The following PROZ variants were observed in gnomAD, a reference collection of about 807,000 sequenced individuals.
PROZ encodes the protein protein Z, vitamin K dependent plasma glycoprotein, also known as vitamin K-dependent protein Z.
PROZ carries 46 observed loss-of-function variants against 34.9 expected under a neutral mutation model. The observed-to-expected ratio is 1.32, with a 90% confidence interval of 1.04 to 1.69. The LOEUF is 1.69. Among genes scored for constraint, PROZ ranks in the 40% most tolerant of loss-of-function variants. The pLI is 0.00. For synonymous variants in PROZ, 195 were observed against 208.5 expected, an observed-to-expected ratio of 0.94 and a Z score of 0.56; for missense variants, 530 against 520.4, an observed-to-expected ratio of 1.02 and a Z score of -0.18.
chr13:113,170,905 G>A (rs568245148), intron 7 of PROZ, among the ~76,000 whole-genome samples: 13 of 150,876 alleles, frequency 8.6e-5, no homozygotes, highest in Admixed American at 2.0e-4. Context: ...CCTTCTCATC[G>A]GCTTATCTGT....
intron 6 of PROZ, chr13:113,166,156 GA>G (rs1445745196): frequency 6.6e-6 from 1 of 152,158 alleles, no homozygotes; most frequent in Non-Finnish European, 1.5e-5. Flanking sequence ...TTGTCCAATA[GA>G]AATGCAGTGT....
At chr13:113,160,758 T>A (rs565957315) in intron 2 of PROZ, among the ~76,000 whole-genome samples, 190 bp from the exon 3 acceptor site, 9 of 152,178 alleles carry the variant, frequency 5.9e-5, no homozygotes. Flanking sequence ...ATCTTACAGA[T>A]ACATTTAGTT....
chr13:113,170,322 G>A (rs1270254778), intron 6 of PROZ, 91 bp from the exon 7 acceptor site: 3 of 794,250 alleles, frequency 3.8e-6, no homozygotes, highest in Admixed American at 1.7e-5. Context: ...TGGGGGTGGG[G>A]GGGTGGTCCA....
chr13:113,163,843 C>T (rs1189449643), intron 4 of PROZ, among the ~76,000 whole-genome samples: 2 of 151,942 alleles, frequency 1.3e-5, no homozygotes, highest in African/African-American at 2.4e-5. Context: ...TCCCATCCCA[C>T]GTCCCCTCCT....
intron 4 of PROZ, among the ~76,000 whole-genome samples, chr13:113,163,987 ATTTTAT>A (rs1276754884): frequency 7.5e-6 from 1 of 133,018 alleles, no homozygotes; most frequent in African/African-American, 2.8e-5. Context: ...TTTAATTTTT[ATTTTAT>A]TTTTGAGATG....
rs765726112 is a variant in PROZ at position 113,165,688 on chromosome 13, G to A, written c.573+568G>A. On this transcript the variant is annotated intron_variant, in intron 6 of 7. Transcript: ENST00000375547. ...TGGGATTACAGGAATGTGCCACCAC[G>A]CCCGGCTGATTTTTATATTTTTAGT... is the stretch of plus-strand genomic sequence containing the variant. Among the ~76,000 whole-genome samples, 9 of 152,186 alleles carry A rather than the reference G, an allele frequency of 5.9e-5. No individual in the cohort carries two copies. In the East Asian group the frequency reaches 9.7e-4, roughly 16 times the overall value.
rs778215288 is a variant in PROZ, at chr13:113,170,504, T to C, written c.665T>C (p.Leu222Ser). ...FVLTTAKCSL[L>S]HRNITVKTYF... Reference sequence around the variant, plus strand: ...CTGACAACAGCAAAATGTTCACTGTTACACAGGAATATTACTGTAAAAACA... The same window carrying C: ...CTGACAACAGCAAAATGTTCACTGTCACACAGGAATATTACTGTAAAAACA... Residue 222 changes from leucine (L) to serine (S), a missense_variant, in exon 7 of 8, where the codon TTA (leucine) becomes TCA (serine). Coordinates refer to ENST00000375547, the MANE Select transcript of PROZ (RefSeq NM_003891.3). 3.8e-6 allele frequency: 6 copies of C among 1,592,362 alleles called. No homozygotes were observed. The highest frequency in any genetic ancestry group is 2.2e-5 in the South Asian group (2 of 90,616).
rs3024771 is a variant in PROZ at position 113,171,529 on chromosome 13, C to T, written c.692-65C>T. ...TCCTCACGTGGCTCCCTGAGAAGCTCGTTTGAGCATTATGTCCCCTTGAAA... is the reference window on the plus strand; with the variant it reads ...TCCTCACGTGGCTCCCTGAGAAGCTTGTTTGAGCATTATGTCCCCTTGAAA... On this transcript the variant is annotated intron_variant, in intron 7 of 7. Transcript: ENST00000375547. This position sits in a 1 kb window ranked among gnomAD's most constrained non-coding sequence, Gnocchi z 5.1. 9.8e-3 allele frequency: 15,710 copies of T among 1,605,792 alleles called. 1,145 individuals are homozygous for T. The East Asian group carries it at 0.19, about 19-fold the overall frequency.
intron 4 of PROZ, 121 bp from the exon 5 acceptor site, chr13:113,164,392 G>T: frequency 8.7e-7 from 1 of 1,149,166 alleles, no homozygotes. Context: ...CAACACACCA[G>T]AACTCTTGTG....
At chr13:113,164,887 C>G (rs2036876009) in intron 5 of PROZ, 166 bp from the exon 6 acceptor site, 1 of 948,748 alleles carries the variant, frequency 1.1e-6, no homozygotes, top group Non-Finnish European at 1.6e-6. Flanking sequence ...TGGTTTAACT[C>G]CAGTCTGTGT....
In PROZ at chr13:113,171,814, A is replaced by G. The variant is rs1474304840; in HGVS notation, c.912A>G (p.Ala304=). ...CCAGGGGCCTCCTCAGCGGCTGGGC[A>G]CGCAATGGCACTGACCTGGGCAACT... ...PRTRGLLSGW[A]RNGTDLGNSL... The change falls in exon 8 of 8, where the codon GCA becomes GCG. Residue 304 remains alanine (A), a synonymous_variant. Transcript: ENST00000375547. This position sits in a 1 kb window ranked among gnomAD's most constrained non-coding sequence, Gnocchi z 5.1. 1.2e-6 allele frequency: 2 copies of G among 1,613,536 alleles called. No homozygotes were observed. The highest frequency in any genetic ancestry group is 3.3e-4 in the Middle Eastern group (2 of 6,062).
Position 113,159,973 on chromosome 13 carries a change from C to T in PROZ, c.71-41C>T. ...CCAGGCAGCTCTGGAAAGCAGGGCC[C>T]TCGGTGCTCCCAGTCACCTGCCTTC... is the stretch of plus-strand genomic sequence containing the variant. On this transcript the variant is annotated intron_variant, in intron 1 of 7. Transcript: ENST00000375547. The surrounding 1 kb of genome is among the most constrained non-coding windows in gnomAD (Gnocchi z 4.6). 1.2e-6 allele frequency: 2 copies of T among 1,611,648 alleles called. No homozygotes were observed. Among genetic ancestry groups the T allele is most frequent in the Non-Finnish European group, 1.7e-6 (2 of 1,178,820 alleles).
chr13:113,164,439 C>G, intron 4 of PROZ, 74 bp from the exon 5 acceptor site: 1 of 1,544,396 alleles, frequency 6.5e-7, no homozygotes, highest in South Asian at 1.1e-5. Flanking sequence ...GACCAACACA[C>G]AGAACTGTGT....
chr13:113,163,156 C>T, intron 4 of PROZ, 34 bp downstream of exon 4: 1 of 1,487,846 alleles, frequency 6.7e-7, no homozygotes, highest in Non-Finnish European at 9.2e-7. Context: ...CCCCAAGGGC[C>T]TCCCTGGGCA....
rs1262465731 is a variant in PROZ, at chr13:113,159,052, G to A, written c.70+322G>A. 9 of 682,986 alleles carry A rather than the reference G, an allele frequency of 1.3e-5. No individual in the cohort carries two copies. Among genetic ancestry groups the A allele is most frequent in the South Asian group, 3.6e-5 (2 of 56,206 alleles). 42.3% of individuals were successfully genotyped at this position (682,986 alleles called of 1,614,324 possible). A position where few individuals can be genotyped will look rare whatever the true frequency, so the allele number is the denominator to read the frequency against. The stretch of plus-strand genomic sequence containing the variant: ...GGGAGGCCTGGGTTGGGCATTGGAC[G>A]AGGGGAGGGGGTGGGGCAGGCTGAG... On this transcript the variant is annotated intron_variant, in intron 1 of 7. Transcript: ENST00000375547. This position sits in a 1 kb window ranked among gnomAD's most constrained non-coding sequence, Gnocchi z 4.6.
In PROZ at chr13:113,167,368, G is replaced by A. The variant is rs1188067419; in HGVS notation, c.573+2248G>A. 3.9e-5 allele frequency among the ~76,000 whole-genome samples: 6 copies of A among 152,140 alleles called. 1 individual carries two copies. Among genetic ancestry groups the A allele is most frequent in the Admixed American group, 6.6e-5 (1 of 15,260 alleles). ...TGAAGAGTTCCAGGAACGACGCCAC[G>A]GTAAAGTTGGAAAAACACTTTCTCA... On this transcript the variant is annotated intron_variant, in intron 6 of 7. Coordinates refer to ENST00000375547, the MANE Select transcript of PROZ (RefSeq NM_003891.3).
intron 6 of PROZ, among the ~76,000 whole-genome samples, chr13:113,166,760 G>A (rs905750238): frequency 2.0e-5 from 3 of 152,186 alleles, no homozygotes; most frequent in Non-Finnish European, 4.4e-5. Flanking sequence ...TGCGCTGAGG[G>A]TCGGTACTTG....
chr13:113,164,199 T>TG (rs1037193899), intron 4 of PROZ, among the ~76,000 whole-genome samples: 12 of 152,102 alleles, frequency 7.9e-5, no homozygotes, highest in Admixed American at 5.9e-4. Flanking sequence ...AGGCTGGTCT[T>TG]GATCTCCTGA....
chr13:113,160,016 T>C lies in PROZ; in HGVS notation c.73T>C (p.Phe25Leu). 6.2e-7 allele frequency: 1 copy of C among 1,613,954 alleles called. No individual in the cohort carries two copies. The highest frequency in any genetic ancestry group is 8.5e-7 in the Non-Finnish European group (1 of 1,180,028). ...CTGCCTTCTTGTCTCGTCTGTAGTA[T>C]TTCTCCCGGCCTCCAAAGCAAACGA... ...LALHRVEPSVFLPASKANDVL... is the reference protein window; with the variant it reads ...LALHRVEPSVLLPASKANDVL... Residue 25 changes from phenylalanine (F) to leucine (L), a missense_variant and splice_region_variant, in exon 2 of 8, where the codon TTT becomes CTT. By Grantham distance (22) the Phe-to-Leu change is conservative (BLOSUM62 0). Transcript: ENST00000375547.
Sources: gnomAD v4.1 joint callset for allele counts (sites outside exome capture counted in the v4.1 genomes callset) on GRCh38, gnomAD v4.1.1 for gene constraint, Gnocchi (gnomAD v3.1) non-coding constraint, MANE v1.5 for transcripts, NCBI Gene and HGNC (gene_info 2026-07-23, HGNC 2026-07-21) for gene names.